Variants in RGSL1 observed in about 807,000 individuals in gnomAD.
The protein encoded by RGSL1 is regulator of G protein signaling like 1.
Under a neutral mutation model 124.7 loss-of-function variants are expected in RGSL1, and 97 were observed. That is an observed-to-expected ratio of 0.78 (90% CI 0.66 to 0.92). RGSL1 has a LOEUF of 0.92. RGSL1 is among the 40% of genes least tolerant of loss of function. RGSL1 has a pLI of 0.00. For synonymous variants in RGSL1, 424 were observed against 438.1 expected (o/e 0.97, Z 0.40); for missense variants, 1,233 against 1,288.4 (o/e 0.96, Z 0.66).
chr1:182,520,806 A>G (rs967858881), intron 9 of RGSL1, among the ~76,000 whole-genome samples: 3 of 152,108 alleles, frequency 2.0e-5, no homozygotes, highest in African/African-American at 7.2e-5. Flanking sequence ...TGCTTTTAAT[A>G]CTTTCTGTAT....
rs1042346473 is a variant in RGSL1, at chr1:182,474,397, G to T, written c.1286G>T (p.Gly429Val). 10 of 1,551,894 alleles carry T rather than the reference G, an allele frequency of 6.4e-6. No homozygotes were observed. In the African/African-American group the frequency reaches 1.2e-4, roughly 19 times the overall value. The change falls in exon 6 of 22, where the codon GGT (glycine) becomes GTT (valine). Residue 429 changes from glycine to valine, a missense_variant. Physicochemically the swap from Gly to Val is moderately radical, Grantham distance 109. Transcript: ENST00000294854. Reference sequence around the variant, plus strand: ...AATGCAATCTTTCGTCACTTGCTGGGTGACAGAATCTGCGAGCTCTACCTG... The same window carrying T: ...AATGCAATCTTTCGTCACTTGCTGGTTGACAGAATCTGCGAGCTCTACCTG... ...NGNAIFRHLL[G>V]DRICELYLNE...
chr1:182,464,836 C>T (rs1157423622), intron 4 of RGSL1, among the ~76,000 whole-genome samples: 1 of 151,872 alleles, frequency 6.6e-6, no homozygotes, highest in Non-Finnish European at 1.5e-5. Context: ...CCTGTGATCC[C>T]AGAACTCTAC....
At chr1:182,457,155 A>T (rs925286037) in intron 2 of RGSL1, among the ~76,000 whole-genome samples, 1 of 151,918 alleles carries the variant, frequency 6.6e-6, no homozygotes, top group Admixed American at 6.6e-5. Flanking sequence ...TCAAAAACAA[A>T]CAAACAAACA....
At chr1:182,448,041 ATTC>A (rs1651581874), upstream of RGSL1, 1 of 151,980 alleles carries the variant, frequency 6.6e-6, no homozygotes, top group Non-Finnish European at 1.5e-5. Context: ...TACGGTGAAT[ATTC>A]TTCTTAATCT....
rs893874368 is a variant in RGSL1, at chr1:182,559,527, T to A, written c.*166-752T>A. Among the ~76,000 whole-genome samples the A allele has an allele frequency of 1.1e-4, 17 of 152,102 alleles. No homozygotes were observed. The South Asian group carries it at 3.5e-3, about 32-fold the overall frequency. ...GCCCTGTGAAGTCACCACATTCCCC[T>A]CTCCACACACACCCAACACACTCTG... On this transcript the variant is annotated intron_variant, in intron 21 of 21. Transcript: ENST00000294854.
intron 14 of RGSL1, among the ~76,000 whole-genome samples, chr1:182,534,329 A>C (rs925584478): frequency 6.6e-6 from 1 of 152,204 alleles, no homozygotes; most frequent in Non-Finnish European, 1.5e-5. Context: ...GGTAAATGAA[A>C]AATAATGTGC....
intron 1 of RGSL1, among the ~76,000 whole-genome samples, chr1:182,451,712 A>G (rs143105478): frequency 5.0e-4 from 76 of 151,224 alleles, no homozygotes; most frequent in African/African-American, 1.7e-3. Flanking sequence ...CTAGGACATC[A>G]AGGAGATTTT....
chr1:182,532,057 A>T (rs1659212366), intron 13 of RGSL1, among the ~76,000 whole-genome samples: 1 of 152,174 alleles, frequency 6.6e-6, no homozygotes. Context: ...AGACTGAGAC[A>T]ACTGAACTAG....
At chr1:182,460,174 G>T in intron 4 of RGSL1, 41 bp downstream of exon 4, 1 of 1,520,146 alleles carries the variant, frequency 6.6e-7, no homozygotes, top group Non-Finnish European at 8.8e-7. Context: ...GTGTGTGTGT[G>T]TGTGTGTGTG....
At chr1:182,459,362 TCAGA>T (rs1652616442) in intron 3 of RGSL1, among the ~76,000 whole-genome samples, 1 of 152,212 alleles carries the variant, frequency 6.6e-6, no homozygotes. Flanking sequence ...GCATGTAGAA[TCAGA>T]CAGACCACTC....
intron 14 of RGSL1, among the ~76,000 whole-genome samples, chr1:182,534,594 G>A (rs535277398): frequency 1.3e-4 from 20 of 152,296 alleles, no homozygotes; most frequent in Admixed American, 3.9e-4. Context: ...TTGGTAGGCC[G>A]AGGCCGGTGG....
intron 18 of RGSL1, 45 bp from the exon 19 acceptor site, chr1:182,553,407 TAGG>T (rs1279248279): frequency 7.3e-7 from 1 of 1,371,276 alleles, no homozygotes; most frequent in South Asian, 1.3e-5. Flanking sequence ...TTTATTTCAG[TAGG>T]AGTTGTCGCA....
At chr1:182,540,673 G>C (rs371672145) in intron 15 of RGSL1, among the ~76,000 whole-genome samples, 2 of 152,084 alleles carry the variant, frequency 1.3e-5, no homozygotes, top group African/African-American at 4.8e-5. Context: ...CCCAGAAAAG[G>C]GAGCATGTTT....
intron 13 of RGSL1, among the ~76,000 whole-genome samples, chr1:182,532,191 T>G (rs1021690638): frequency 6.6e-6 from 1 of 151,438 alleles, no homozygotes. Context: ...TGTGTGTATG[T>G]GTGTGTGTGT....
chr1:182,489,172 G>A lies in RGSL1; in HGVS notation c.1687G>A (p.Val563Ile), dbSNP rs1463485046. The change falls in exon 8 of 22, where the codon GTA becomes ATA. Residue 563 changes from valine to isoleucine, a missense_variant. Coordinates refer to ENST00000294854, the MANE Select transcript of RGSL1 (RefSeq NM_001137669.2). The part of the protein sequence containing the change: ...EDLKQGGSLQ[V>I]ELTSPVFLTD... The stretch of plus-strand genomic sequence containing the variant: ...CCTGAAGCAAGGAGGCTCTCTCCAG[G>A]TAGAGCTGACATCTCCAGTGTTTCT... 1 of 1,551,746 alleles carries A rather than the reference G, an allele frequency of 6.4e-7. No individual in the cohort carries two copies. The highest frequency in any genetic ancestry group is 8.7e-7 in the Non-Finnish European group (1 of 1,147,012).
Position 182,527,735 on chromosome 1 carries a change from T to C in RGSL1, c.2088T>C (p.Asn696=), listed in dbSNP as rs1013989453. The C allele has an allele frequency of 1.3e-6, 2 of 1,550,810 alleles. No individual in the cohort carries two copies. The highest frequency in any genetic ancestry group is 1.7e-6 in the Non-Finnish European group (2 of 1,146,620). The change falls in exon 11 of 22, where the codon AAT becomes AAC. Residue 696 remains asparagine, a synonymous_variant. Transcript: ENST00000294854. ...NEKICKSLIE[N]VIKTFFQGQL... ...AGATTTGCAAGTCTCTCATAGAAAATGTAATCAAGACTTTCTTCCAAGGCC... is the reference window on the plus strand; with the variant it reads ...AGATTTGCAAGTCTCTCATAGAAAACGTAATCAAGACTTTCTTCCAAGGCC...
chr1:182,459,436 A>G (rs1424660144), intron 3 of RGSL1, among the ~76,000 whole-genome samples: 1 of 152,176 alleles, frequency 6.6e-6, no homozygotes, highest in Non-Finnish European at 1.5e-5. Context: ...GAGAAGAGAC[A>G]TTCTATTCTG....
rs375730928 is a variant in RGSL1, at chr1:182,453,983, A to G, written c.39A>G (p.Ile13Met). The change falls in exon 2 of 22, where the codon ATA becomes ATG. Residue 13 changes from isoleucine (I) to methionine (M), a missense_variant. Transcript: ENST00000294854. Reference protein sequence around the residue: ...SAEIIGSTNLIILLEDEVFAD... With the variant: ...SAEIIGSTNLMILLEDEVFAD... ...AGATAATTGGTTCTACAAATCTTAT[A>G]ATTCTGCTAGAGGATGAAGTCTTTG... 174 of 1,531,292 alleles carry G rather than the reference A, an allele frequency of 1.1e-4. No homozygotes were observed. The African/African-American group carries it at 2.1e-3, about 18-fold the overall frequency. 94.9% of individuals were successfully genotyped at this position (1,531,292 alleles called of 1,614,324 possible).
At chr1:182,547,829 C>T (rs986425329) in intron 15 of RGSL1, among the ~76,000 whole-genome samples, 2 of 152,146 alleles carry the variant, frequency 1.3e-5, no homozygotes, top group African/African-American at 4.8e-5. Context: ...CCACTGCACT[C>T]CAGCCTGGGA....
Sources: gnomAD v4.1 joint callset for allele counts (sites outside exome capture counted in the v4.1 genomes callset) on GRCh38, gnomAD v4.1.1 for gene constraint, MANE v1.5 for transcripts, NCBI Gene and HGNC (gene_info 2026-07-23, HGNC 2026-07-21) for gene names.